TFB1M: variants seen among roughly 807,000 people sequenced by gnomAD.
TFB1M encodes the protein dimethyladenosine transferase 1, mitochondrial.
In TFB1M, 27 loss-of-function variants were observed where a neutral mutation model predicts 31.1. That is an observed-to-expected ratio of 0.87 (90% CI 0.64 to 1.20). The LOEUF (loss-of-function observed/expected upper bound fraction) is 1.20, where lower values mean the gene tolerates loss of function less well. Among genes scored for constraint, TFB1M ranks in the 50% most tolerant of loss-of-function variants. The pLI, the probability that TFB1M is intolerant of heterozygous loss-of-function variation, is 0.00. For missense variants in TFB1M, 394 were observed against 418.7 expected (o/e 0.94, Z 0.51); for synonymous variants, 166 against 151.8 (o/e 1.09, Z -0.69).
At chr6:155,310,560 G>A (rs1285003676) in intron 2 of TFB1M, among the ~76,000 whole-genome samples, 12 of 152,122 alleles carry the variant, frequency 7.9e-5, no homozygotes. Flanking sequence ...CTTTTCTCCA[G>A]TTGAAACATG....
chr6:155,293,397 C>T (rs1386496417), intron 4 of TFB1M, among the ~76,000 whole-genome samples: 1 of 152,164 alleles, frequency 6.6e-6, no homozygotes, highest in African/African-American at 2.4e-5. Context: ...CTGTCACGTG[C>T]TGCTTCTCAT....
At chr6:155,249,786 TTACTGTTG>T in the TFB1M span, 9 of 1,367,712 alleles carry the variant, frequency 6.6e-6, no homozygotes, top group Non-Finnish European at 9.1e-6. Flanking sequence ...CCATTCATTA[TTACTGTTG>T]GATAGAATCT....
chr6:155,269,191 G>A (rs1784808276), intron 5 of TFB1M, among the ~76,000 whole-genome samples: 3 of 151,824 alleles, frequency 2.0e-5, no homozygotes. Flanking sequence ...TAGAGGTGGG[G>A]CAATGCTATG....
chr6:155,269,324 C>CTT (rs60162262), intron 5 of TFB1M, among the ~76,000 whole-genome samples: 2,492 of 127,178 alleles, frequency 0.02, 136 homozygotes, highest in South Asian at 0.051. Context: ...CTTTTCTTTT[C>CTT]TTTTTTTTTT....
At chr6:155,300,878 C>T (rs1777397354) in intron 2 of TFB1M, among the ~76,000 whole-genome samples, 1 of 152,078 alleles carries the variant, frequency 6.6e-6, no homozygotes, top group Non-Finnish European at 1.5e-5. Context: ...AATCTTGGCT[C>T]ACTGCAACCT....
Position 155,258,000 on chromosome 6 carries a change from G to A in TFB1M, c.877C>T (p.Arg293Cys), listed in dbSNP as rs368405074. 15 of 1,614,074 alleles carry A rather than the reference G, an allele frequency of 9.3e-6. No individual in the cohort carries two copies. Among genetic ancestry groups the A allele is most frequent in the South Asian group, 3.3e-5 (3 of 91,080 alleles). The change falls in exon 7 of 7, where the codon CGC becomes TGC. Residue 293 changes from arginine (R) to cysteine (C), a missense_variant. Coordinates refer to ENST00000367166, the MANE Select transcript of TFB1M (RefSeq NM_016020.4). ...LADIDPTLRP[R>C]QLSISHFKSL... ...TTAAAGTGTGAGATGGAGAGCTGGC[G>A]GGGCCGAAGAGTAGGGTCTATGTCT...
chr6:155,237,579 A>G, the TFB1M span, among the ~76,000 whole-genome samples: 2 of 152,238 alleles, frequency 1.3e-5, no homozygotes, highest in African/African-American at 2.4e-5. Flanking sequence ...TTCTGCCTGG[A>G]CATCCAGGCA....
At chr6:155,300,899 G>T (rs1228679227) in intron 2 of TFB1M, among the ~76,000 whole-genome samples, 2 of 152,032 alleles carry the variant, frequency 1.3e-5, no homozygotes, top group Non-Finnish European at 2.9e-5. Context: ...CTGCTCCTGG[G>T]ATTCAGGCAA....
In TFB1M at chr6:155,285,192, G is replaced by A. The variant is rs1171463303; in HGVS notation, c.632C>T (p.Thr211Met). ...QYLCNVRHIF[T>M]IPGQAFVPKP... ...GGGGACAAAAGCTTGTCCTGGAATCGTAAAGATGTGTCGAACATTGCAGAG... is the reference window on the plus strand; with the variant it reads ...GGGGACAAAAGCTTGTCCTGGAATCATAAAGATGTGTCGAACATTGCAGAG... The change falls in exon 5 of 7, where the codon ACG becomes ATG. Residue 211 changes from threonine (T) to methionine (M), a missense_variant. This residue lies in a region of TFB1M where 273 missense variants were observed against 256.4 expected (regional missense o/e 1.06). Coordinates refer to ENST00000367166, the MANE Select transcript of TFB1M (RefSeq NM_016020.4). The A allele has an allele frequency of 4.3e-6, 7 of 1,613,996 alleles. No individual in the cohort carries two copies. The highest frequency in any genetic ancestry group is 4.5e-5 in the East Asian group (2 of 44,864).
intron 6 of TFB1M, among the ~76,000 whole-genome samples, chr6:155,259,089 C>T (rs1229092704): frequency 6.6e-6 from 1 of 152,102 alleles, no homozygotes; most frequent in African/African-American, 2.4e-5. Context: ...CAGACCAATT[C>T]CAGGATTTCC....
chr6:155,313,364 T>C (rs898266029), intron 1 of TFB1M: 1 of 152,216 alleles, frequency 6.6e-6, no homozygotes, highest in Middle Eastern at 3.2e-3. Context: ...TTATGTTTTC[T>C]GGAGTGTGCT....
chr6:155,271,523 G>C (rs546010643), intron 5 of TFB1M, among the ~76,000 whole-genome samples: 1 of 152,140 alleles, frequency 6.6e-6, no homozygotes, highest in East Asian at 1.9e-4. Flanking sequence ...AGTTGTTGCT[G>C]GGTTTTCTTT....
chr6:155,252,080 C>T, downstream of TFB1M: 1 of 1,172,804 alleles, frequency 8.5e-7, no homozygotes, highest in Non-Finnish European at 1.2e-6. Flanking sequence ...CTGAAAAGCC[C>T]ACTGAGCACC....
intron 2 of TFB1M, among the ~76,000 whole-genome samples, chr6:155,301,278 C>T (rs1206283392): frequency 6.6e-6 from 1 of 152,152 alleles, no homozygotes; most frequent in Non-Finnish European, 1.5e-5. Context: ...CTCATGTTAA[C>T]AGATTTATGT....
downstream of TFB1M, chr6:155,253,928 T>C (rs748781433): frequency 9.2e-6 from 14 of 1,515,446 alleles, no homozygotes; most frequent in Admixed American, 3.6e-5. Context: ...ACCACAGCAT[T>C]TTGGGCAAAG....
chr6:155,280,745 C>A (rs1785460369), intron 5 of TFB1M, among the ~76,000 whole-genome samples: 1 of 152,104 alleles, frequency 6.6e-6, no homozygotes, highest in South Asian at 2.1e-4. Flanking sequence ...TTTCAAAAAA[C>A]ACAAAAGCAT....
chr6:155,287,739 A>C (rs1238721673), intron 4 of TFB1M, among the ~76,000 whole-genome samples: 3 of 152,216 alleles, frequency 2.0e-5, no homozygotes, highest in African/African-American at 7.2e-5. Flanking sequence ...AGATATAAAA[A>C]TATGGCAATA....
intron 5 of TFB1M, among the ~76,000 whole-genome samples, chr6:155,262,376 C>A (rs1030347424): frequency 6.6e-6 from 1 of 152,118 alleles, no homozygotes; most frequent in Admixed American, 6.5e-5. Flanking sequence ...GTGGTCCCAA[C>A]TGTCAGGCAT....
the TFB1M span, among the ~76,000 whole-genome samples, chr6:155,230,658 C>T: frequency 1.6e-4 from 25 of 151,716 alleles, no homozygotes; most frequent in Non-Finnish European, 2.1e-4. Flanking sequence ...AAAATTCAAC[C>T]GCTATAAAAA....
Sources: gnomAD v4.1 joint callset for allele counts (sites outside exome capture counted in the v4.1 genomes callset) on GRCh38, gnomAD v4.1.1 for gene constraint, gnomAD v4.1.1 regional missense constraint, MANE v1.5 for transcripts, NCBI Gene and HGNC (gene_info 2026-07-23, HGNC 2026-07-21) for gene names.